The following MAP4K3 variants were observed in gnomAD, a reference collection of about 807,000 sequenced individuals.
MAP4K3 encodes mitogen-activated protein kinase kinase kinase kinase 3, also known as MAPK/ERK kinase kinase kinase 3.
In MAP4K3, 94 loss-of-function variants were observed where a neutral mutation model predicts 143.5. That is an observed-to-expected ratio of 0.65 (90% CI 0.55 to 0.78). The LOEUF (loss-of-function observed/expected upper bound fraction) is 0.78, where lower values mean the gene tolerates loss of function less well. Ranked by LOEUF, MAP4K3 falls within the 30% of genes least tolerant of loss-of-function variation. The probability of loss-of-function intolerance (pLI) is 0.00; values close to 1 mark genes in which losing one functional copy is unlikely to be tolerated. For missense variants in MAP4K3, 1,077 were observed against 1,068.1 expected, an observed-to-expected ratio of 1.01 and a Z score of -0.12; for synonymous variants, 416 against 347.2, an observed-to-expected ratio of 1.20 and a Z score of -2.20.
chr2:39,295,349 A>T (rs990752277), intron 16 of MAP4K3, among the ~76,000 whole-genome samples: 5 of 151,820 alleles, frequency 3.3e-5, no homozygotes, highest in Admixed American at 1.3e-4. Context: ...TTATTTTAAA[A>T]ATATATTAAC....
chr2:39,253,280 C>T (rs1326190896), intron 32 of MAP4K3, among the ~76,000 whole-genome samples: 3 of 152,142 alleles, frequency 2.0e-5, no homozygotes, highest in South Asian at 2.1e-4. Flanking sequence ...ACTAGAGGCA[C>T]GCGCCACCAC....
At chr2:39,404,529 C>T (rs1377655151) in intron 1 of MAP4K3, among the ~76,000 whole-genome samples, 5 of 149,632 alleles carry the variant, frequency 3.3e-5, no homozygotes, top group East Asian at 3.9e-4. Context: ...GGAAAGACCA[C>T]GCTTCATGGT....
intron 9 of MAP4K3, 44 bp downstream of exon 9, chr2:39,326,102 A>AT (rs1683481247): frequency 6.3e-7 from 1 of 1,593,450 alleles, no homozygotes; most frequent in Non-Finnish European, 8.5e-7. Flanking sequence ...TACTAAGAGG[A>AT]TAAAAACCTT....
At chr2:39,380,565 T>C (rs994981490) in intron 1 of MAP4K3, among the ~76,000 whole-genome samples, 1 of 152,172 alleles carries the variant, frequency 6.6e-6, no homozygotes, top group Non-Finnish European at 1.5e-5. Context: ...TCAGAATATG[T>C]AACATAAAAT....
At chr2:39,401,772 G>A (rs1403331530) in intron 1 of MAP4K3, among the ~76,000 whole-genome samples, 1 of 152,088 alleles carries the variant, frequency 6.6e-6, no homozygotes, top group Non-Finnish European at 1.5e-5. Context: ...CTGCACTCCG[G>A]CCTGGATGAC....
In MAP4K3 at chr2:39,288,182, T is replaced by C. The variant is rs776990186; in HGVS notation, c.1413A>G (p.Pro471=). The change falls in exon 20 of 34, where the codon CCA becomes CCG. Residue 471 remains proline, a synonymous_variant. Coordinates refer to ENST00000263881, the MANE Select transcript of MAP4K3 (RefSeq NM_003618.4). ...GTGGTGGTCTAGGTGGAACTTGGGATGGCTTTGCTGGGCTCCCTGACATGG... is the reference window on the plus strand; with the variant it reads ...GTGGTGGTCTAGGTGGAACTTGGGACGGCTTTGCTGGGCTCCCTGACATGG... ...RCPMSGSPAK[P]SQVPPRPPPP... 4 of 1,614,078 alleles carry C rather than the reference T, an allele frequency of 2.5e-6. No individual in the cohort carries two copies. In the African/African-American group the frequency reaches 4.0e-5, roughly 16 times the overall value.
intron 26 of MAP4K3, among the ~76,000 whole-genome samples, chr2:39,268,309 C>T (rs1680855245): frequency 6.6e-6 from 1 of 152,040 alleles, no homozygotes; most frequent in African/African-American, 2.4e-5. Context: ...TCTGTACATA[C>T]TTTTTATTAT....
At chr2:39,406,067 G>A (rs1437869164) in intron 1 of MAP4K3, among the ~76,000 whole-genome samples, 1 of 151,924 alleles carries the variant, frequency 6.6e-6, no homozygotes, top group African/African-American at 2.4e-5. Context: ...GAATCAAGCA[G>A]AAATTCTGCA....
At chr2:39,344,520 G>A (rs1016126530) in intron 3 of MAP4K3, among the ~76,000 whole-genome samples, 6 of 152,198 alleles carry the variant, frequency 3.9e-5, no homozygotes, top group Non-Finnish European at 7.4e-5. Flanking sequence ...TATACTGTAT[G>A]GCTGCTTTCA....
intron 4 of MAP4K3, among the ~76,000 whole-genome samples, chr2:39,339,256 G>A (rs1665073115): frequency 6.6e-6 from 1 of 152,164 alleles, no homozygotes; most frequent in African/African-American, 2.4e-5. Context: ...GATAAACCAT[G>A]TAACTTATTT....
chr2:39,413,672 G>A (rs1667291662), intron 1 of MAP4K3, among the ~76,000 whole-genome samples: 1 of 151,854 alleles, frequency 6.6e-6, no homozygotes, highest in Admixed American at 6.6e-5. Flanking sequence ...TGTAAGAGAA[G>A]CAAGACCAGG....
At chr2:39,427,457 C>G (rs952197480) in intron 1 of MAP4K3, among the ~76,000 whole-genome samples, 1 of 152,054 alleles carries the variant, frequency 6.6e-6, no homozygotes, top group Admixed American at 6.6e-5. Context: ...TGTAAAGAAG[C>G]ACTGTCTGTA....
At chr2:39,408,499 G>C (rs554343200) in intron 1 of MAP4K3, among the ~76,000 whole-genome samples, 150 of 152,270 alleles carry the variant, frequency 9.9e-4, no homozygotes, top group Non-Finnish European at 1.8e-3. Context: ...ATATATTGCT[G>C]TTACAGAAAA....
chr2:39,358,086 G>A (rs931917640), intron 2 of MAP4K3, among the ~76,000 whole-genome samples: 1 of 152,200 alleles, frequency 6.6e-6, no homozygotes, highest in Admixed American at 6.5e-5. Flanking sequence ...ATTACAGCAA[G>A]CCTCACCTGT....
chr2:39,338,257 T>C (rs540429953), intron 4 of MAP4K3, among the ~76,000 whole-genome samples: 11 of 152,318 alleles, frequency 7.2e-5, no homozygotes, highest in Non-Finnish European at 1.2e-4. Context: ...AAAGAAACGA[T>C]GTCCAATAGG....
intron 15 of MAP4K3, 44 bp from the exon 16 acceptor site, chr2:39,299,845 A>G (rs1368180657): frequency 1.1e-6 from 1 of 942,218 alleles, no homozygotes; most frequent in African/African-American, 1.7e-5. Context: ...GTAGTATATG[A>G]CACACCATGA....
intron 1 of MAP4K3, among the ~76,000 whole-genome samples, chr2:39,422,140 C>CT (rs979652660): frequency 1.3e-5 from 2 of 151,898 alleles, no homozygotes; most frequent in African/African-American, 2.4e-5. Flanking sequence ...GAGAAAAACA[C>CT]TAAGATAGAA....
chr2:39,419,067 A>G (rs566357023), intron 1 of MAP4K3, among the ~76,000 whole-genome samples: 1 of 152,312 alleles, frequency 6.6e-6, no homozygotes, highest in South Asian at 2.1e-4. Flanking sequence ...AAATCCAAAA[A>G]TATTCTAAAA....
At chr2:39,328,182 T>G (rs1384659922) in intron 8 of MAP4K3, among the ~76,000 whole-genome samples, 1 of 151,790 alleles carries the variant, frequency 6.6e-6, no homozygotes, top group Non-Finnish European at 1.5e-5. Context: ...AATGCAAAAA[T>G]TAGCTGGGCA....
Sources: allele counts gnomAD v4.1 joint callset (sites outside exome capture counted in the v4.1 genomes callset), GRCh38; gene constraint gnomAD v4.1.1; transcripts MANE v1.5; gene names NCBI Gene and HGNC (gene_info 2026-07-23, HGNC 2026-07-21).